The following ETNK1 variants were observed in gnomAD, a reference collection of about 807,000 sequenced individuals.
The protein encoded by ETNK1 is putative protein product of Nbla10396.
Under a neutral mutation model 45.1 loss-of-function variants are expected in ETNK1, and 8 were observed. The ratio of observed to expected loss-of-function variants is 0.18; its 90% CI spans 0.10 to 0.32. The LOEUF (loss-of-function observed/expected upper bound fraction) is 0.32. Among genes scored for constraint, ETNK1 ranks in the 10% least tolerant of loss-of-function variants. ETNK1 has a pLI of 1.00. For missense variants in ETNK1, 302 were observed against 430.6 expected, an observed-to-expected ratio of 0.70 and a Z score of 2.64; for synonymous variants, 152 against 151.9, an observed-to-expected ratio of 1.00 and a Z score of -0.01.
In ETNK1 at chr12:22,686,458, A is replaced by G. The variant is rs1236286212; in HGVS notation, c.*1504A>G. The G allele has an allele frequency of 1.3e-5, 2 of 152,382 alleles. No individual in the cohort carries two copies. Among genetic ancestry groups the G allele is most frequent in the East Asian group, 1.9e-4 (1 of 5,204 alleles). 9.4% of individuals were successfully genotyped at this position (152,382 alleles called of 1,614,324 possible). ...AGAAATCTTCTGAGGAGTCTAATGT[A>G]TTCCAAATGACTTAATATTCTCAGA... On this transcript the variant is annotated 3_prime_UTR_variant, in exon 8 of 8. Transcript: ENST00000266517.
intron 4 of ETNK1, 187 bp from the exon 5 acceptor site, chr12:22,671,085 A>G (rs1954102688): frequency 1.9e-6 from 1 of 530,700 alleles, no homozygotes; most frequent in Non-Finnish European, 3.3e-6. Flanking sequence ...AAGAGACATA[A>G]TTTGAATTTT....
intron 6 of ETNK1, among the ~76,000 whole-genome samples, chr12:22,681,099 A>G (rs1954210952): frequency 6.6e-6 from 1 of 151,974 alleles, no homozygotes; most frequent in South Asian, 2.1e-4. Context: ...ATGTACTTGT[A>G]TTTTGGGGGG....
At chr12:22,665,403 ACTTAGAGACAATAT>A (rs1382512402) in intron 4 of ETNK1, among the ~76,000 whole-genome samples, 9 of 152,162 alleles carry the variant, frequency 5.9e-5, no homozygotes, top group Non-Finnish European at 1.3e-4. Flanking sequence ...TTTATTTGTA[ACTTAGAGACAATAT>A]CTACTTCAGA....
chr12:22,635,734 A>G (rs1953647859), intron 1 of ETNK1, among the ~76,000 whole-genome samples: 1 of 152,166 alleles, frequency 6.6e-6, no homozygotes, highest in African/African-American at 2.4e-5. Context: ...AAAATTTATT[A>G]TCTTAACCGG....
chr12:22,659,319 A>G (rs1349965810), intron 3 of ETNK1, among the ~76,000 whole-genome samples, 165 bp downstream of exon 3: 1 of 152,190 alleles, frequency 6.6e-6, no homozygotes, highest in Non-Finnish European at 1.5e-5. Context: ...CTACAGAAAT[A>G]ACTGCCTCTC....
chr12:22,629,252 T>C (rs1053816673), intron 1 of ETNK1, among the ~76,000 whole-genome samples: 2 of 152,178 alleles, frequency 1.3e-5, no homozygotes, highest in African/African-American at 4.8e-5. Context: ...GTTTATGGAA[T>C]GAACATTCAA....
chr12:22,645,293 C>T (rs894243975), intron 2 of ETNK1, among the ~76,000 whole-genome samples: 1 of 151,662 alleles, frequency 6.6e-6, no homozygotes, highest in African/African-American at 2.4e-5. Flanking sequence ...TCATGAAGTT[C>T]CTAGAGAAGG....
intron 3 of ETNK1, 53 bp from the exon 4 acceptor site, chr12:22,661,010 C>A: frequency 1.3e-6 from 2 of 1,522,162 alleles, no homozygotes; most frequent in South Asian, 1.2e-5. Flanking sequence ...AATCCTTAAT[C>A]AAACTTGAAA....
At chr12:22,677,509 A>C (rs531720588) in intron 6 of ETNK1, among the ~76,000 whole-genome samples, 4 of 152,344 alleles carry the variant, frequency 2.6e-5, no homozygotes, top group Non-Finnish European at 5.9e-5. Flanking sequence ...TTTTGGTTCC[A>C]TATGAAATTT....
At chr12:22,634,028 G>A (rs1053757945) in intron 1 of ETNK1, among the ~76,000 whole-genome samples, 1 of 152,008 alleles carries the variant, frequency 6.6e-6, no homozygotes, top group Non-Finnish European at 1.5e-5. Flanking sequence ...TTATTTCCCA[G>A]TCTTAAGGAG....
At chr12:22,640,841 A>G (rs1380774071) in intron 1 of ETNK1, among the ~76,000 whole-genome samples, 1 of 152,182 alleles carries the variant, frequency 6.6e-6, no homozygotes, top group African/African-American at 2.4e-5. Context: ...TACTATCTGA[A>G]ATACTTGACA....
rs1380430121 is a variant in ETNK1, at chr12:22,644,421, TG to T, written c.416+400del. The stretch of plus-strand genomic sequence containing the variant: ...TTTATTAATTTGGTTAACAATTCTT[TG>T]TTCTTTACGTTGTTCATTATTTAAT... On this transcript the variant is annotated intron_variant, in intron 2 of 7. Transcript: ENST00000266517. 68 of 1,170,544 alleles carry T rather than the reference TG, an allele frequency of 5.8e-5. No homozygotes were observed. In the African/African-American group the frequency reaches 9.6e-4, roughly 17 times the overall value. The allele number at this position is 1,170,544 out of a possible 1,614,324, so 72.5% of individuals were successfully genotyped here. A position where few individuals can be genotyped will look rare whatever the true frequency, so the allele number is the denominator to read the frequency against.
chr12:22,636,140 G>T (rs560550255), intron 1 of ETNK1, among the ~76,000 whole-genome samples: 205 of 152,266 alleles, frequency 1.3e-3, no homozygotes, highest in African/African-American at 4.8e-3. Flanking sequence ...TGCAGCCTGG[G>T]TGAACAGAGT....
chr12:22,673,237 T>TA (rs1249396672), intron 5 of ETNK1, among the ~76,000 whole-genome samples: 2 of 152,242 alleles, frequency 1.3e-5, no homozygotes, highest in African/African-American at 4.8e-5. Context: ...GTGATGCAGC[T>TA]GGTTCAAGCT....
At chr12:22,640,293 A>C (rs558286418) in intron 1 of ETNK1, among the ~76,000 whole-genome samples, 97 of 152,238 alleles carry the variant, frequency 6.4e-4, no homozygotes, top group South Asian at 4.1e-3. Flanking sequence ...TTTAGGGATT[A>C]AAGTTTAACA....
rs369317701 is a variant in ETNK1 at position 22,681,472 on chromosome 12, G to A, written c.946-3011G>A. 2.1e-3 allele frequency among the ~76,000 whole-genome samples: 323 copies of A among 152,014 alleles called. 3 individuals are homozygous for A. Among genetic ancestry groups the A allele is most frequent in the African/African-American group, 5.4e-3 (224 of 41,506 alleles). Reference sequence around the variant, plus strand: ...CATCTATAGGTGATTTTATATCAGCGTAAAATATGCAAGGCAATTTAGACT... The same window carrying A: ...CATCTATAGGTGATTTTATATCAGCATAAAATATGCAAGGCAATTTAGACT... On this transcript the variant is annotated intron_variant, in intron 6 of 7. Coordinates refer to ENST00000266517, the MANE Select transcript of ETNK1 (RefSeq NM_018638.5).
intron 6 of ETNK1, among the ~76,000 whole-genome samples, chr12:22,680,534 T>C (rs1954204406): frequency 6.6e-6 from 1 of 152,204 alleles, no homozygotes; most frequent in African/African-American, 2.4e-5. Flanking sequence ...GTTGCATGTC[T>C]GTGTACTTAG....
Position 22,686,142 on chromosome 12 carries a change from T to G in ETNK1, c.*1188T>G, listed in dbSNP as rs542294325. ...CAAAATGTGAATTAAGCATAAATAG[T>G]CATGGCAGGAGGGCTTTTGTTTATT... is the stretch of plus-strand genomic sequence containing the variant. On this transcript the variant is annotated 3_prime_UTR_variant, in exon 8 of 8. Coordinates refer to ENST00000266517, the MANE Select transcript of ETNK1 (RefSeq NM_018638.5). 1 of 152,450 alleles carries G rather than the reference T, an allele frequency of 6.6e-6. No individual in the cohort carries two copies. Among genetic ancestry groups the G allele is most frequent in the East Asian group, 1.9e-4 (1 of 5,188 alleles). The allele number at this position is 152,450 out of a possible 1,614,324, so 9.4% of individuals were successfully genotyped here. A position where few individuals can be genotyped will look rare whatever the true frequency, so the allele number is the denominator to read the frequency against.
chr12:22,681,144 T>C (rs1357956428), intron 6 of ETNK1, among the ~76,000 whole-genome samples: 4 of 152,128 alleles, frequency 2.6e-5, no homozygotes, highest in Admixed American at 6.6e-5. Flanking sequence ...TCTGCCTTTG[T>C]TTCTCATCCA....
Sources: gnomAD v4.1 joint callset for allele counts (sites outside exome capture counted in the v4.1 genomes callset) on GRCh38, gnomAD v4.1.1 for gene constraint, MANE v1.5 for transcripts, NCBI Gene and HGNC (gene_info 2026-07-23, HGNC 2026-07-21) for gene names.